DHX35: variants seen among roughly 807,000 people sequenced by gnomAD.
DHX35 encodes the protein DEAH-box helicase 35.
A neutral mutation model predicts 99.6 loss-of-function variants in DHX35; 84 were observed. The observed-to-expected ratio is 0.84, with a 90% CI of 0.71 to 1.01. The LOEUF (loss-of-function observed/expected upper bound fraction) is 1.01, where lower values mean the gene tolerates loss of function less well. Among genes scored for constraint, DHX35 ranks in the 50% least tolerant of loss-of-function variants. DHX35 has a pLI of 0.00. For missense variants in DHX35, 852 were observed against 888.5 expected (o/e 0.96, Z 0.52); for synonymous variants, 331 against 316.2 (o/e 1.05, Z -0.50).
intron 17 of DHX35, among the ~76,000 whole-genome samples, chr20:39,024,032 C>T (rs1000706854): frequency 1.6e-4 from 24 of 152,264 alleles, no homozygotes; most frequent in African/African-American, 5.8e-4. Flanking sequence ...GGCCAGTGGC[C>T]CAGCCTCACG....
chr20:38,978,797 T>C (rs1030497996), intron 3 of DHX35, among the ~76,000 whole-genome samples: 9 of 152,222 alleles, frequency 5.9e-5, no homozygotes, highest in Non-Finnish European at 1.0e-4. Flanking sequence ...TTCCCTTCTC[T>C]TTTGTTCTGG....
At chr20:38,984,558 A>T (rs1387499439) in intron 4 of DHX35, among the ~76,000 whole-genome samples, 1 of 152,244 alleles carries the variant, frequency 6.6e-6, no homozygotes, top group African/African-American at 2.4e-5. Flanking sequence ...AATTTATTAA[A>T]GCTTGAAAAG....
chr20:39,021,805 A>G, intron 15 of DHX35, 36 bp from the exon 16 acceptor site: 3 of 1,598,944 alleles, frequency 1.9e-6, no homozygotes, highest in Non-Finnish European at 2.6e-6. Context: ...TTGGCACATT[A>G]TATGGTTGAA....
At chr20:38,968,555 CT>C (rs955592023) in intron 1 of DHX35, among the ~76,000 whole-genome samples, 15 of 151,132 alleles carry the variant, frequency 9.9e-5, no homozygotes, top group African/African-American at 3.4e-4. Context: ...TTTCTTTTTT[CT>C]TTTTTTTTGG....
In DHX35 at chr20:38,983,905, T is replaced by A. The variant is rs559485188; in HGVS notation, c.345+129T>A. ...AGTTTAGGTCTTCAGTTTTTATGTTTTTTTTATTTTTATTTTTTTCCTCAG... is the reference window on the plus strand; with the variant it reads ...AGTTTAGGTCTTCAGTTTTTATGTTATTTTTATTTTTATTTTTTTCCTCAG... On this transcript the variant is annotated intron_variant, in intron 4 of 21. Transcript: ENST00000252011. 694 of 777,602 alleles carry A rather than the reference T, an allele frequency of 8.9e-4. 2 individuals are homozygous for A. Among genetic ancestry groups the A allele is most frequent in the Non-Finnish European group, 9.6e-4 (474 of 491,654 alleles). The allele number at this position is 777,602 out of a possible 1,614,324, so 48.2% of individuals were successfully genotyped here. A position where few individuals can be genotyped will look rare whatever the true frequency, so the allele number is the denominator to read the frequency against.
At chr20:38,983,889 C>T (rs1408513704) in intron 4 of DHX35, 113 bp downstream of exon 4, 2 of 845,788 alleles carry the variant, frequency 2.4e-6, no homozygotes, top group African/African-American at 3.5e-5. Flanking sequence ...GAGTTTAGGT[C>T]TTCAGTTTTT....
At chr20:38,972,802 G>A (rs2086022989) in intron 3 of DHX35, 151 bp downstream of exon 3, 1 of 597,020 alleles carries the variant, frequency 1.7e-6, no homozygotes, top group South Asian at 2.1e-5. Flanking sequence ...AACTTTTAGG[G>A]CTTATAATTT....
chr20:39,001,920 C>A, intron 9 of DHX35, 78 bp downstream of exon 9: 2 of 1,101,140 alleles, frequency 1.8e-6, no homozygotes, highest in Non-Finnish European at 2.8e-6. Context: ...ACTGCATTTG[C>A]TCACAACTCT....
intron 3 of DHX35, among the ~76,000 whole-genome samples, chr20:38,976,336 C>CTGTG (rs11472267): frequency 0.17 from 24,712 of 146,032 alleles, 2,241 homozygotes; most frequent in East Asian, 0.27. Context: ...AGAGAAGTGT[C>CTGTG]TGTGTGTGTG....
intron 20 of DHX35, among the ~76,000 whole-genome samples, chr20:39,033,709 T>C (rs1357390432): frequency 1.3e-5 from 2 of 152,252 alleles, no homozygotes; most frequent in Non-Finnish European, 2.9e-5. Flanking sequence ...TTTTTTCCCT[T>C]AAATAAAGGT....
Position 38,969,142 on chromosome 20 carries a change from G to A in DHX35, c.102G>A (p.Gly34=). 1 of 1,613,970 alleles carries A rather than the reference G, an allele frequency of 6.2e-7. No individual in the cohort carries two copies. Among genetic ancestry groups the A allele is most frequent in the Non-Finnish European group, 8.5e-7 (1 of 1,179,874 alleles). Residue 34 remains glycine (G), a synonymous_variant, in exon 2 of 22, where the codon GGG becomes GGA. Coordinates refer to ENST00000252011, the MANE Select transcript of DHX35 (RefSeq NM_021931.4). The part of the protein sequence containing the change: ...EERQSLAENS[G]TTVVYNPYAA... The stretch of plus-strand genomic sequence containing the variant: ...GACAAAGTCTGGCTGAAAACTCTGG[G>A]ACAACGGTTGTTTACAACCCTTATG...
intron 14 of DHX35, among the ~76,000 whole-genome samples, chr20:39,016,432 G>A (rs1301435332): frequency 6.6e-6 from 1 of 152,118 alleles, no homozygotes; most frequent in African/African-American, 2.4e-5. Flanking sequence ...TTAGTATCAT[G>A]TTTCACAGGT....
chr20:39,003,022 T>C (rs1280228911), intron 10 of DHX35, among the ~76,000 whole-genome samples, 154 bp downstream of exon 10: 3 of 152,268 alleles, frequency 2.0e-5, no homozygotes, highest in Non-Finnish European at 2.9e-5. Flanking sequence ...GTCATTCATC[T>C]ACCATCTAGA....
At chr20:39,018,260 C>A (rs1010684651) in intron 14 of DHX35, among the ~76,000 whole-genome samples, 2 of 152,002 alleles carry the variant, frequency 1.3e-5, no homozygotes, top group African/African-American at 4.8e-5. Flanking sequence ...ACATCTGTGG[C>A]CTGTCCGGTC....
intron 2 of DHX35, among the ~76,000 whole-genome samples, chr20:38,970,438 T>C (rs192583088): frequency 2.0e-3 from 311 of 152,348 alleles, no homozygotes; most frequent in African/African-American, 7.2e-3. Context: ...TCACTATGTA[T>C]GAATGTTAGC....
chr20:38,968,263 C>T (rs1455034297), intron 1 of DHX35, among the ~76,000 whole-genome samples: 1 of 152,124 alleles, frequency 6.6e-6, no homozygotes, highest in African/African-American at 2.4e-5. Flanking sequence ...TGTACAGTAG[C>T]CAACCTAAGG....
At chr20:39,010,554 G>A in intron 13 of DHX35, 150 bp downstream of exon 13, 1 of 1,102,594 alleles carries the variant, frequency 9.1e-7, no homozygotes, top group Non-Finnish European at 1.3e-6. Flanking sequence ...CCCTGTGCAG[G>A]ACGTAGGGGA....
chr20:38,999,830 C>A lies in DHX35; in HGVS notation c.643-1900C>A, dbSNP rs565727634. Among the ~76,000 whole-genome samples the A allele has an allele frequency of 4.5e-4, 68 of 152,356 alleles. 1 individual carries two copies. In the South Asian group the frequency reaches 0.014, roughly 31 times the overall value. On this transcript the variant is annotated intron_variant, in intron 8 of 21. Transcript: ENST00000252011. Reference sequence around the variant, plus strand: ...AGCTCACAGGTCTGATAATATCATGCCCATCCTCACTGCCCTTGTCTTGCC... The same window carrying A: ...AGCTCACAGGTCTGATAATATCATGACCATCCTCACTGCCCTTGTCTTGCC...
In DHX35 at chr20:38,969,215, G is replaced by C; in HGVS notation, c.174+1G>C. The C allele has an allele frequency of 6.2e-7, 1 of 1,606,964 alleles. No homozygotes were observed. Among genetic ancestry groups the C allele is most frequent in the Non-Finnish European group, 8.5e-7 (1 of 1,175,422 alleles). On this transcript the variant is annotated splice_donor_variant, in intron 2 of 21. Coordinates refer to ENST00000252011, the MANE Select transcript of DHX35 (RefSeq NM_021931.4). LOFTEE classifies it high-confidence loss of function. Reference sequence around the variant, plus strand: ...GAGGCAGAAGCTGCCGGTATTCAAGGTACGTCAAATAATCATGTTCAACCT... The same window carrying C: ...GAGGCAGAAGCTGCCGGTATTCAAGCTACGTCAAATAATCATGTTCAACCT...
Sources: gnomAD v4.1 joint callset for allele counts (sites outside exome capture counted in the v4.1 genomes callset) on GRCh38, gnomAD v4.1.1 for gene constraint, MANE v1.5 for transcripts, NCBI Gene and HGNC (gene_info 2026-07-23, HGNC 2026-07-21) for gene names.